EYS: variants seen among roughly 807,000 people sequenced by gnomAD.
EYS encodes the protein EGF-like photoreceptor maintenance factor, also known as protein eyes shut homolog.
A neutral mutation model predicts 282.1 loss-of-function variants in EYS; 250 were observed. The ratio of observed to expected loss-of-function variants is 0.89; its 90% CI spans 0.80 to 0.98. The LOEUF (loss-of-function observed/expected upper bound fraction) is 0.98, where lower values mean the gene tolerates loss of function less well. EYS is among the 50% of genes least tolerant of loss of function. EYS has a pLI of 0.00. For synonymous variants in EYS, 1,355 were observed against 1,282.9 expected, an observed-to-expected ratio of 1.06 and a Z score of -1.20; for missense variants, 4,016 against 3,709.0, an observed-to-expected ratio of 1.08 and a Z score of -2.15.
At chr6:64,757,841 C>A (rs1237183803) in intron 22 of EYS, among the ~76,000 whole-genome samples, 4 of 151,770 alleles carry the variant, frequency 2.6e-5, no homozygotes, top group African/African-American at 9.7e-5. Flanking sequence ...CAGAAGTGCA[C>A]TGGCGCGATC....
At chr6:64,772,318 A>G (rs116375149) in intron 22 of EYS, among the ~76,000 whole-genome samples, 1 of 151,792 alleles carries the variant, frequency 6.6e-6, no homozygotes, top group East Asian at 1.9e-4. Flanking sequence ...AGTTTTGAAT[A>G]TGAGTATCTG....
chr6:64,870,412 C>G (rs189906365), intron 19 of EYS, among the ~76,000 whole-genome samples: 2 of 142,202 alleles, frequency 1.4e-5, no homozygotes, highest in African/African-American at 5.2e-5. Context: ...ACAATTACCC[C>G]CCTCCTCCCC....
intron 35 of EYS, among the ~76,000 whole-genome samples, chr6:63,869,156 C>G (rs765343729): frequency 4.6e-5 from 7 of 152,096 alleles, no homozygotes; most frequent in Admixed American, 2.6e-4. Flanking sequence ...AAGGGTTTTT[C>G]TAAAGGCAGG....
intron 5 of EYS, among the ~76,000 whole-genome samples, chr6:65,409,395 G>A (rs953243877): frequency 6.6e-6 from 1 of 152,194 alleles, no homozygotes; most frequent in African/African-American, 2.4e-5. Context: ...TGTTCAATGT[G>A]CTGTCATTAG....
In EYS at chr6:65,512,814, C is replaced by T. The variant is rs185272326; in HGVS notation, c.-332-16821G>A. Among the ~76,000 whole-genome samples the T allele has an allele frequency of 7.7e-3, 1,167 of 151,836 alleles. 18 individuals are homozygous for T. Among genetic ancestry groups the T allele is most frequent in the African/African-American group, 0.025 (1,046 of 41,400 alleles). ...AGTGTGTAGAGGGAAATTTATAGCA[C>T]CAAATGCCCACAAGAGAAAGCAGGA... On this transcript the variant is annotated intron_variant, in intron 2 of 42. Coordinates refer to ENST00000503581, the MANE Select transcript of EYS (RefSeq NM_001142800.2).
intron 4 of EYS, chr6:65,491,300 C>CAT: frequency 3.9e-6 from 1 of 259,520 alleles, no homozygotes; most frequent in Non-Finnish European, 7.7e-6. Flanking sequence ...CACACACACA[C>CAT]ACACACAGCC....
intron 29 of EYS, among the ~76,000 whole-genome samples, chr6:64,351,370 A>G (rs1398153495): frequency 6.6e-6 from 1 of 151,432 alleles, no homozygotes; most frequent in Admixed American, 6.6e-5. Context: ...GTATTCAGAG[A>G]TTCTAGAATT....
At chr6:64,963,414 T>C (rs1398107696) in intron 14 of EYS, among the ~76,000 whole-genome samples, 2 of 152,150 alleles carry the variant, frequency 1.3e-5, no homozygotes, top group Non-Finnish European at 2.9e-5. Context: ...CCTTTACCTC[T>C]CCCTTCGTTC....
chr6:63,935,814 C>T (rs545786311), intron 35 of EYS, among the ~76,000 whole-genome samples: 21 of 152,256 alleles, frequency 1.4e-4, no homozygotes, highest in African/African-American at 5.1e-4. Flanking sequence ...ACATACAATC[C>T]TAATAAGAAT....
At chr6:64,142,172 T>A (rs1030946999) in intron 31 of EYS, among the ~76,000 whole-genome samples, 1 of 152,058 alleles carries the variant, frequency 6.6e-6, no homozygotes, top group Non-Finnish European at 1.5e-5. Flanking sequence ...TGCTGACCGT[T>A]ACCTCTGAGC....
intron 19 of EYS, among the ~76,000 whole-genome samples, chr6:64,833,088 A>G (rs1394737464): frequency 6.6e-5 from 10 of 151,886 alleles, no homozygotes; most frequent in Admixed American, 6.6e-4. Flanking sequence ...ACATATAAAC[A>G]TTAATGCACA....
At chr6:64,687,250 C>A (rs1212615910) in intron 22 of EYS, among the ~76,000 whole-genome samples, 1 of 151,794 alleles carries the variant, frequency 6.6e-6, no homozygotes, top group Non-Finnish European at 1.5e-5. Flanking sequence ...AATATGATTA[C>A]AAACCAATAT....
chr6:64,059,487 T>C (rs1771091420), intron 33 of EYS, among the ~76,000 whole-genome samples: 1 of 152,188 alleles, frequency 6.6e-6, no homozygotes, highest in Admixed American at 6.5e-5. Flanking sequence ...ATAAAGATAC[T>C]CTGTAGACTC....
chr6:65,689,525 A>T (rs553848877), intron 1 of EYS, among the ~76,000 whole-genome samples: 1 of 150,142 alleles, frequency 6.7e-6, no homozygotes, highest in South Asian at 2.1e-4. Flanking sequence ...AAAGTATAAT[A>T]AAAAAAATTA....
chr6:63,827,683 A>C (rs1468068374), intron 36 of EYS, among the ~76,000 whole-genome samples: 1 of 151,990 alleles, frequency 6.6e-6, no homozygotes, highest in Non-Finnish European at 1.5e-5. Flanking sequence ...TCTCTACTAA[A>C]AATACAAAAA....
rs1582248873 is a variant in EYS, at chr6:65,405,227, C to T, written c.1003G>A (p.Glu335Lys). ...TTCTGACATGGTACTAATGAAAACTCACTGACATCAGTTTCACCATTTTGG... is the reference window on the plus strand; with the variant it reads ...TTCTGACATGGTACTAATGAAAACTTACTGACATCAGTTTCACCATTTTGG... ...SSQNGETDVSEFSLVPCQNGT... is the reference protein window; with the variant it reads ...SSQNGETDVSKFSLVPCQNGT... Residue 335 changes from glutamate to lysine, a missense_variant, in exon 6 of 43, where the codon GAG (glutamate) becomes AAG (lysine). Glu to Lys is a moderately conservative substitution (Grantham distance 56). Coordinates refer to ENST00000503581, the MANE Select transcript of EYS (RefSeq NM_001142800.2). The T allele has an allele frequency of 6.2e-7, 1 of 1,613,178 alleles. No individual in the cohort carries two copies. Among genetic ancestry groups the T allele is most frequent in the Non-Finnish European group, 8.5e-7 (1 of 1,179,466 alleles).
intron 35 of EYS, among the ~76,000 whole-genome samples, chr6:63,955,282 C>T (rs1287942061): frequency 4.6e-5 from 7 of 152,122 alleles, no homozygotes; most frequent in African/African-American, 7.2e-5. Flanking sequence ...TGTAAATGCC[C>T]TGCCCTTGTT....
At chr6:64,405,432 C>T (rs1016808649) in intron 28 of EYS, among the ~76,000 whole-genome samples, 4 of 152,124 alleles carry the variant, frequency 2.6e-5, no homozygotes, top group Admixed American at 2.6e-4. Flanking sequence ...ACAAGGATGC[C>T]TTCTCTTACC....
At chr6:65,422,162 A>T (rs1582270762) in intron 5 of EYS, among the ~76,000 whole-genome samples, 1 of 151,906 alleles carries the variant, frequency 6.6e-6, no homozygotes, top group Non-Finnish European at 1.5e-5. Flanking sequence ...TGCTTATAGC[A>T]TATTTAACTT....
Sources: allele counts gnomAD v4.1 joint callset (sites outside exome capture counted in the v4.1 genomes callset), GRCh38; gene constraint gnomAD v4.1.1; transcripts MANE v1.5; gene names NCBI Gene and HGNC (gene_info 2026-07-23, HGNC 2026-07-21).